Variants in LPAR1 observed in about 807,000 individuals in gnomAD.
LPAR1 encodes the protein LPA receptor 1.
LPAR1 carries 5 observed loss-of-function variants against 23.8 expected under a neutral mutation model. That is an observed-to-expected ratio of 0.21 (90% CI 0.11 to 0.44). The LOEUF is 0.44. Among genes scored for constraint, LPAR1 ranks in the 20% least tolerant of loss-of-function variants. LPAR1 has a pLI of 0.99. For synonymous variants in LPAR1, 160 were observed against 164.7 expected (o/e 0.97, Z 0.22); for missense variants, 311 against 482.8 (o/e 0.64, Z 3.33).
chr9:110,983,198 A>G (rs912653075), intron 2 of LPAR1, among the ~76,000 whole-genome samples: 3 of 151,998 alleles, frequency 2.0e-5, no homozygotes, highest in Non-Finnish European at 4.4e-5. Flanking sequence ...TTTCAAAGAG[A>G]TATTTGTATA....
intron 5 of LPAR1, among the ~76,000 whole-genome samples, chr9:110,890,557 T>C (rs764795158): frequency 2.0e-4 from 31 of 152,226 alleles, no homozygotes; most frequent in Non-Finnish European, 4.0e-4. Context: ...AGCTTCTTTG[T>C]TGCATTAACT....
chr9:111,016,413 G>T (rs144374255), intron 2 of LPAR1, among the ~76,000 whole-genome samples: 1 of 152,148 alleles, frequency 6.6e-6, no homozygotes, highest in African/African-American at 2.4e-5. Flanking sequence ...AACTTGACCT[G>T]AACAAATAAA....
intron 2 of LPAR1, among the ~76,000 whole-genome samples, chr9:110,974,705 A>G (rs1307367885): frequency 6.6e-6 from 1 of 152,178 alleles, no homozygotes; most frequent in Non-Finnish European, 1.5e-5. Context: ...GACAGTACTG[A>G]TATTCTCCTT....
chr9:110,879,095 A>G (rs1418520315), intron 5 of LPAR1, among the ~76,000 whole-genome samples: 1 of 152,070 alleles, frequency 6.6e-6, no homozygotes, highest in Non-Finnish European at 1.5e-5. Flanking sequence ...CAGGCACAAC[A>G]CCGATGAATG....
chr9:110,931,151 C>A (rs1406942512), intron 5 of LPAR1, among the ~76,000 whole-genome samples: 2 of 152,172 alleles, frequency 1.3e-5, no homozygotes, highest in East Asian at 3.9e-4. Context: ...AGAAATAATT[C>A]CTTTGCCTAG....
chr9:110,927,610 C>A (rs58841541), intron 5 of LPAR1, among the ~76,000 whole-genome samples: 1 of 151,704 alleles, frequency 6.6e-6, no homozygotes, highest in Non-Finnish European at 1.5e-5. Flanking sequence ...CCAAACTGCA[C>A]GCAATAAAGT....
intron 4 of LPAR1, among the ~76,000 whole-genome samples, chr9:110,961,635 A>G (rs1392850308): frequency 2.0e-5 from 3 of 151,462 alleles, no homozygotes; most frequent in Admixed American, 6.6e-5. Context: ...AAAAAAAAAA[A>G]AAAAAGAAAG....
intron 5 of LPAR1, among the ~76,000 whole-genome samples, chr9:110,918,260 C>T (rs2134916957): frequency 6.6e-6 from 1 of 152,232 alleles, no homozygotes; most frequent in African/African-American, 2.4e-5. Flanking sequence ...AATAAACAGG[C>T]ACATACTCTG....
At chr9:110,996,827 T>G in intron 2 of LPAR1, among the ~76,000 whole-genome samples, 1 of 152,314 alleles carries the variant, frequency 6.6e-6, no homozygotes, top group South Asian at 2.1e-4. Context: ...CAGTTTCTTT[T>G]GGTGGTAGCG....
intron 2 of LPAR1, among the ~76,000 whole-genome samples, chr9:111,014,087 G>A (rs945843923): frequency 2.6e-5 from 4 of 152,064 alleles, no homozygotes; most frequent in Non-Finnish European, 4.4e-5. Flanking sequence ...ACAATGCCCA[G>A]CCTAAATACC....
chr9:110,895,202 A>C (rs2085889206), intron 5 of LPAR1, among the ~76,000 whole-genome samples: 1 of 152,204 alleles, frequency 6.6e-6, no homozygotes, highest in Admixed American at 6.5e-5. Flanking sequence ...AGCCTGCTAA[A>C]GTACCACATT....
intron 2 of LPAR1, among the ~76,000 whole-genome samples, chr9:111,015,594 C>T (rs749037375): frequency 3.9e-5 from 6 of 152,064 alleles, no homozygotes; most frequent in Non-Finnish European, 7.4e-5. Context: ...TCAAAGGGCA[C>T]AAAGTTTCAG....
At chr9:110,992,578 A>G (rs756451167) in intron 2 of LPAR1, among the ~76,000 whole-genome samples, 4 of 152,214 alleles carry the variant, frequency 2.6e-5, no homozygotes, top group Non-Finnish European at 2.9e-5. Flanking sequence ...CAAAAACTGG[A>G]AACAGCTCAA....
Position 110,875,742 on chromosome 9 carries a change from G to A in LPAR1, c.794-20C>T, listed in dbSNP as rs2078943658. The A allele has an allele frequency of 7.2e-7, 1 of 1,390,538 alleles. No individual in the cohort carries two copies. Among genetic ancestry groups the A allele is most frequent in the Non-Finnish European group, 9.6e-7 (1 of 1,037,920 alleles). The allele number at this position is 1,390,538 out of a possible 1,614,324, so 86.1% of individuals were successfully genotyped here. A position where few individuals can be genotyped will look rare whatever the true frequency, so the allele number is the denominator to read the frequency against. On this transcript the variant is annotated intron_variant, in intron 5 of 5. Transcript: ENST00000683809. ...AGGCCCCTACAAGGACAAGGATAGGGATCAGAAGGATTTTTAAAAAGAGAA... is the reference window on the plus strand; with the variant it reads ...AGGCCCCTACAAGGACAAGGATAGGAATCAGAAGGATTTTTAAAAAGAGAA...
intron 2 of LPAR1, among the ~76,000 whole-genome samples, chr9:110,991,645 G>A (rs2096897137): frequency 6.6e-6 from 1 of 152,046 alleles, no homozygotes; most frequent in Non-Finnish European, 1.5e-5. Context: ...TTTCACTCTT[G>A]TTGCCCAGGC....
intron 4 of LPAR1, among the ~76,000 whole-genome samples, chr9:110,953,825 A>C (rs945630484): frequency 2.0e-5 from 3 of 152,168 alleles, no homozygotes; most frequent in African/African-American, 7.2e-5. Flanking sequence ...TATGAAAGTA[A>C]ATTCCCAAAA....
At chr9:110,935,240 T>C (rs2900520) in intron 5 of LPAR1, among the ~76,000 whole-genome samples, 24,179 of 151,982 alleles carry the variant, frequency 0.16, 2,057 homozygotes, top group South Asian at 0.25. Context: ...AGCACCTTAG[T>C]GGAAGTCAGG....
chr9:110,995,336 A>G (rs2096976955), intron 2 of LPAR1, among the ~76,000 whole-genome samples: 1 of 152,154 alleles, frequency 6.6e-6, no homozygotes, highest in African/African-American at 2.4e-5. Flanking sequence ...TATATAACCT[A>G]AGTCTAGACT....
At chr9:110,889,071 T>TA (rs1354251820) in intron 5 of LPAR1, among the ~76,000 whole-genome samples, 1 of 152,154 alleles carries the variant, frequency 6.6e-6, no homozygotes, top group Non-Finnish European at 1.5e-5. Flanking sequence ...AAACTATTGT[T>TA]AACACATTGG....
Sources: allele counts gnomAD v4.1 joint callset (sites outside exome capture counted in the v4.1 genomes callset), GRCh38; gene constraint gnomAD v4.1.1; transcripts MANE v1.5; gene names NCBI Gene and HGNC (gene_info 2026-07-23, HGNC 2026-07-21).